Variants in RALYL observed in about 807,000 individuals in gnomAD.
RALYL encodes the protein RNA-binding Raly-like protein.
In RALYL, 29 loss-of-function variants were observed where a neutral mutation model predicts 35.1. That is an observed-to-expected ratio of 0.83 (90% CI 0.61 to 1.13). The LOEUF is 1.13. Ranked by LOEUF, RALYL falls within the 50% of genes most tolerant of loss-of-function variation. RALYL has a pLI of 0.00. For synonymous variants in RALYL, 120 were observed against 127.6 expected (o/e 0.94, Z 0.40); for missense variants, 359 against 360.4 (o/e 1.00, Z 0.03).
chr8:84,201,782 G>A (rs1387546140), intron 1 of RALYL, among the ~76,000 whole-genome samples: 3 of 151,936 alleles, frequency 2.0e-5, no homozygotes, highest in African/African-American at 7.3e-5. Context: ...GCTCAGGTTA[G>A]TCTCGAACTC....
intron 1 of RALYL, among the ~76,000 whole-genome samples, chr8:84,243,049 T>G (rs866223303): frequency 6.6e-6 from 1 of 152,198 alleles, no homozygotes; most frequent in Non-Finnish European, 1.5e-5. Context: ...GTTTCAATTT[T>G]ATGCATATGG....
chr8:84,809,852 G>T (rs1825518856), intron 4 of RALYL, among the ~76,000 whole-genome samples: 3 of 151,972 alleles, frequency 2.0e-5, no homozygotes, highest in Admixed American at 2.0e-4. Context: ...TCTTAATGAG[G>T]TTATTTGGAT....
At chr8:84,283,582 C>T (rs1837035821) in intron 1 of RALYL, among the ~76,000 whole-genome samples, 1 of 152,104 alleles carries the variant, frequency 6.6e-6, no homozygotes, top group Admixed American at 6.6e-5. Context: ...GTAAAAGAGA[C>T]TAGGTCCTTA....
At chr8:84,886,136 C>T (rs1314448683) in intron 7 of RALYL, among the ~76,000 whole-genome samples, 1 of 152,044 alleles carries the variant, frequency 6.6e-6, no homozygotes, top group Admixed American at 6.6e-5. Context: ...GCACGGCAAC[C>T]CTTTACTACT....
chr8:84,864,811 T>TGTA (rs1475747636), intron 6 of RALYL: 1 of 611,200 alleles, frequency 1.6e-6, no homozygotes, highest in African/African-American at 1.8e-5. Flanking sequence ...AGAGCTTCTG[T>TGTA]GTAGTAGTCA....
intron 1 of RALYL, among the ~76,000 whole-genome samples, chr8:84,365,661 G>C (rs942091217): frequency 6.6e-6 from 1 of 152,126 alleles, no homozygotes; most frequent in African/African-American, 2.4e-5. Context: ...AAGTTTTAAG[G>C]TTTGGTGAAT....
intron 2 of RALYL, among the ~76,000 whole-genome samples, chr8:84,751,472 T>A (rs1809993233): frequency 6.6e-6 from 1 of 152,048 alleles, no homozygotes; most frequent in Admixed American, 6.6e-5. Context: ...CCTCCCAAAG[T>A]GCTGGGATTA....
At chr8:84,786,998 A>C (rs186294134) in intron 3 of RALYL, among the ~76,000 whole-genome samples, 100 of 152,256 alleles carry the variant, frequency 6.6e-4, no homozygotes, top group Middle Eastern at 3.4e-3. Context: ...AATATAGATA[A>C]ATTTTTCTTT....
chr8:84,787,168 C>G (rs942302583), intron 3 of RALYL, among the ~76,000 whole-genome samples: 1 of 150,928 alleles, frequency 6.6e-6, no homozygotes, highest in African/African-American at 2.4e-5. Context: ...TAGCCCCCCA[C>G]CCCCAAACAG....
intron 8 of RALYL, among the ~76,000 whole-genome samples, chr8:84,917,689 C>A (rs1343921446): frequency 2.0e-5 from 3 of 151,874 alleles, no homozygotes; most frequent in African/African-American, 7.2e-5. Flanking sequence ...CCTCCAAGAA[C>A]TACCTAATGG....
At chr8:84,685,885 A>T (rs1360202995) in intron 2 of RALYL, among the ~76,000 whole-genome samples, 5 of 152,160 alleles carry the variant, frequency 3.3e-5, no homozygotes, top group Non-Finnish European at 7.3e-5. Context: ...GCAGCTTGTG[A>T]ATTATTAGGA....
chr8:84,193,176 T>C (rs1463596455), intron 1 of RALYL, among the ~76,000 whole-genome samples: 1 of 152,074 alleles, frequency 6.6e-6, no homozygotes, highest in African/African-American at 2.4e-5. Context: ...TGAAGTTTAA[T>C]GTTAAATTGT....
chr8:84,754,016 T>C (rs539707978), intron 2 of RALYL, among the ~76,000 whole-genome samples: 1 of 152,012 alleles, frequency 6.6e-6, no homozygotes, highest in East Asian at 1.9e-4. Context: ...TTTGTTTGAG[T>C]TCATTGTAGA....
intron 1 of RALYL, among the ~76,000 whole-genome samples, chr8:84,499,016 A>G (rs1299264687): frequency 6.6e-6 from 1 of 152,102 alleles, no homozygotes; most frequent in East Asian, 1.9e-4. Context: ...AGGGAAAACT[A>G]TAAAATACCC....
At chr8:84,467,453 T>C (rs546491699) in intron 1 of RALYL, among the ~76,000 whole-genome samples, 49 of 65,218 alleles carry the variant, frequency 7.5e-4, no homozygotes, top group Non-Finnish European at 1.8e-3. Context: ...TTGAGCAGCT[T>C]TGAGTGGGAT....
At chr8:84,533,671 T>TA (rs1358145880) in intron 2 of RALYL, among the ~76,000 whole-genome samples, 1 of 152,172 alleles carries the variant, frequency 6.6e-6, no homozygotes, top group Admixed American at 6.5e-5. Flanking sequence ...AAGTGTGCTT[T>TA]AGGAAAAGAA....
chr8:84,568,639 A>G (rs1807075144), intron 2 of RALYL, among the ~76,000 whole-genome samples: 1 of 138,506 alleles, frequency 7.2e-6, no homozygotes, highest in African/African-American at 2.7e-5. Context: ...GACTTCCACA[A>G]TGGTTGAACT....
At position 84,815,476 on chromosome 8, in the gene RALYL, A is replaced by T. The variant is rs1421119855; in HGVS notation, c.365+10674A>T. 1.8e-4 allele frequency among the ~76,000 whole-genome samples: 27 copies of T among 148,386 alleles called. No individual in the cohort carries two copies. In the South Asian group the frequency reaches 5.7e-3, roughly 31 times the overall value. Reference sequence around the variant, plus strand: ...CATAATACTGAATGTTTATATTATTATAAATAAAATATATTTATAAAATAC... The same window carrying T: ...CATAATACTGAATGTTTATATTATTTTAAATAAAATATATTTATAAAATAC... On this transcript the variant is annotated intron_variant, in intron 4 of 8. Coordinates refer to ENST00000521268, the MANE Select transcript of RALYL (RefSeq NM_173848.7).
intron 2 of RALYL, among the ~76,000 whole-genome samples, chr8:84,675,420 G>T (rs1228984714): frequency 3.3e-5 from 5 of 152,032 alleles, no homozygotes; most frequent in Non-Finnish European, 7.4e-5. Context: ...CCTTAAATAG[G>T]AGATAGGCGA....
Sources: allele counts gnomAD v4.1 joint callset (sites outside exome capture counted in the v4.1 genomes callset), GRCh38; gene constraint gnomAD v4.1.1; transcripts MANE v1.5; gene names NCBI Gene and HGNC (gene_info 2026-07-23, HGNC 2026-07-21).